The following SAMMSON variants were observed in gnomAD, a reference collection of about 807,000 sequenced individuals.
SAMMSON encodes the protein long intergenic non-protein coding RNA 1212.
intron 4 of SAMMSON, among the ~76,000 whole-genome samples, chr3:70,198,970 A>G (rs1041433007): frequency 6.6e-6 from 1 of 152,206 alleles, no homozygotes; most frequent in East Asian, 1.9e-4. Context: ...ATACAACCTC[A>G]TCGAGTTTTA....
chr3:70,393,873 C>T (rs1241234330), downstream of SAMMSON, among the ~76,000 whole-genome samples: 1 of 152,096 alleles, frequency 6.6e-6, no homozygotes, highest in Non-Finnish European at 1.5e-5. Flanking sequence ...ACTCTACATA[C>T]ATGGAAGGAT....
At chr3:70,342,001 T>C (rs1369841604) in intron 7 of SAMMSON, among the ~76,000 whole-genome samples, 2 of 152,232 alleles carry the variant, frequency 1.3e-5, no homozygotes, top group African/African-American at 4.8e-5. Context: ...GGAGCCTTGA[T>C]GTAAAACTGT....
chr3:70,162,599 T>G (rs1453667401), intron 4 of SAMMSON, among the ~76,000 whole-genome samples: 1 of 151,974 alleles, frequency 6.6e-6, no homozygotes, highest in Non-Finnish European at 1.5e-5. Flanking sequence ...GAAGTAAATA[T>G]GTATTCTGCT....
In SAMMSON at chr3:70,350,868, A is replaced by C. The variant is rs551176910; in HGVS notation, n.740-3307A>C. Among the ~76,000 whole-genome samples, 14 of 152,252 alleles carry C rather than the reference A, an allele frequency of 9.2e-5. No individual in the cohort carries two copies. In the South Asian group the frequency reaches 2.1e-3, roughly 23 times the overall value. On this transcript the variant is annotated intron_variant and non_coding_transcript_variant, in intron 7 of 9. Transcript: ENST00000642114. ...TTTCTAAGGAGGTGACATTGAGTTG[A>C]GACTTAAATGATGAGCAAAAGCCAA...
chr3:70,401,354 G>A (rs7649557), intron 2 of SAMMSON, among the ~76,000 whole-genome samples: 86,170 of 151,868 alleles, frequency 0.57, 24,706 homozygotes, highest in Non-Finnish European at 0.63. Context: ...AATTCTACAT[G>A]ATCCAAGAAT....
chr3:70,341,651 C>T (rs1371585977), intron 7 of SAMMSON, among the ~76,000 whole-genome samples: 6 of 152,090 alleles, frequency 3.9e-5, no homozygotes, highest in African/African-American at 1.4e-4. Context: ...CTTGACTATT[C>T]CCTCCCTCTT....
At chr3:70,341,610 A>G (rs954927109) in intron 7 of SAMMSON, among the ~76,000 whole-genome samples, 1 of 152,168 alleles carries the variant, frequency 6.6e-6, no homozygotes, top group Admixed American at 6.5e-5. Context: ...ATATAAGAAG[A>G]CAAAACCTCA....
intron 6 of SAMMSON, among the ~76,000 whole-genome samples, chr3:70,266,726 G>C (rs1426282483): frequency 6.6e-6 from 1 of 152,192 alleles, no homozygotes; most frequent in Non-Finnish European, 1.5e-5. Context: ...GATTAGAGAT[G>C]TGAGCCACTG....
chr3:70,248,654 G>C (rs2106648724), intron 4 of SAMMSON, among the ~76,000 whole-genome samples: 1 of 152,212 alleles, frequency 6.6e-6, no homozygotes, highest in Non-Finnish European at 1.5e-5. Context: ...AGTAAAGACA[G>C]GAGTTAATTA....
At chr3:70,279,618 G>A (rs192370737) in intron 6 of SAMMSON, among the ~76,000 whole-genome samples, 308 of 152,192 alleles carry the variant, frequency 2.0e-3, no homozygotes, top group Non-Finnish European at 3.4e-3. Context: ...TCAGATTTGC[G>A]TTGCTCTCTT....
At chr3:70,024,235 A>G (rs2067028122) in intron 3 of SAMMSON, among the ~76,000 whole-genome samples, 1 of 152,182 alleles carries the variant, frequency 6.6e-6, no homozygotes, top group South Asian at 2.1e-4. Flanking sequence ...AAATGGAACC[A>G]TTGCATGCTT....
intron 1 of SAMMSON, among the ~76,000 whole-genome samples, chr3:70,001,795 G>T (rs2066906843): frequency 6.6e-6 from 1 of 152,116 alleles, no homozygotes; most frequent in Non-Finnish European, 1.5e-5. Flanking sequence ...AGTTACTCAG[G>T]ATCAGAACAA....
rs1270916200 is a variant in SAMMSON, at chr3:70,250,409, TCTCACACACA to T, written n.674+741_674+750del. On this transcript the variant is annotated intron_variant and non_coding_transcript_variant, in intron 6 of 9. Transcript: ENST00000642114. The stretch of plus-strand genomic sequence containing the variant: ...TATTCGGTATTTTTCTTTTAATGAA[TCTCACACACA>T]CACACACACACACACACACACACAC... Among the ~76,000 whole-genome samples the T allele has an allele frequency of 1.5e-3, 191 of 126,326 alleles. 1 individual carries two copies. The highest frequency in any genetic ancestry group is 5.9e-3 in the East Asian group (26 of 4,434). The allele number at this position is 126,326 out of a possible 152,430, so 82.9% of individuals were successfully genotyped here.
intron 4 of SAMMSON, chr3:70,075,078 A>G (rs551929092): frequency 6.6e-6 from 1 of 152,160 alleles, no homozygotes; most frequent in South Asian, 2.1e-4. Flanking sequence ...TCTATGCCCT[A>G]TTCACCTTTC....
At chr3:70,032,630 A>G (rs1212990115) in intron 3 of SAMMSON, among the ~76,000 whole-genome samples, 2 of 152,178 alleles carry the variant, frequency 1.3e-5, no homozygotes, top group Non-Finnish European at 2.9e-5. Flanking sequence ...TGTTCAAAAC[A>G]TGTGGAGTTT....
At chr3:70,339,281 C>T (rs1011397537) in intron 7 of SAMMSON, among the ~76,000 whole-genome samples, 1 of 152,124 alleles carries the variant, frequency 6.6e-6, no homozygotes, top group Non-Finnish European at 1.5e-5. Flanking sequence ...AAATGTTAGA[C>T]CTAAAATCAT....
chr3:70,326,818 C>T (rs780281458), intron 7 of SAMMSON, among the ~76,000 whole-genome samples: 9 of 152,124 alleles, frequency 5.9e-5, no homozygotes, highest in Non-Finnish European at 1.2e-4. Context: ...GCCTTTCAGG[C>T]ATCATTGTAC....
chr3:70,285,110 G>T (rs1276228193), intron 6 of SAMMSON, among the ~76,000 whole-genome samples: 9 of 149,488 alleles, frequency 6.0e-5, no homozygotes, highest in Non-Finnish European at 1.0e-4. Flanking sequence ...ACATTGTGCA[G>T]GTTAGTTACA....
At chr3:70,122,500 A>C (rs1259679424) in intron 4 of SAMMSON, among the ~76,000 whole-genome samples, 1 of 152,214 alleles carries the variant, frequency 6.6e-6, no homozygotes. Context: ...ATGCCATTGC[A>C]CTCAGCCCAA....
Sources: allele counts gnomAD v4.1 joint callset (sites outside exome capture counted in the v4.1 genomes callset), GRCh38; gene constraint gnomAD v4.1.1; transcripts MANE v1.5; gene names NCBI Gene and HGNC (gene_info 2026-07-23, HGNC 2026-07-21).